The following SERINC2 variants were observed in gnomAD, a reference collection of about 807,000 sequenced individuals.
SERINC2 encodes the protein serine incorporator 2.
Under a neutral mutation model 54.2 loss-of-function variants are expected in SERINC2, and 56 were observed. That is an observed-to-expected ratio of 1.03 (90% CI 0.83 to 1.29). The LOEUF (loss-of-function observed/expected upper bound fraction) is 1.29. SERINC2 is among the 50% of genes most tolerant of loss of function. The pLI is 0.00. For synonymous variants in SERINC2, 272 were observed against 253.1 expected, an observed-to-expected ratio of 1.07 and a Z score of -0.71; for missense variants, 614 against 607.4, an observed-to-expected ratio of 1.01 and a Z score of -0.12.
In SERINC2 at chr1:31,432,145, GAC is replaced by G. The variant is rs1557501537; in HGVS notation, c.1014-820_1014-819del. ...TAGGGTGGATAGGGTGGACAGGGTGGACAGGGTGGACAGGGTGGATAGGGTGG... is the reference window on the plus strand; with the variant it reads ...TAGGGTGGATAGGGTGGACAGGGTGGAGGGTGGACAGGGTGGATAGGGTGG... On this transcript the variant is annotated intron_variant, in intron 8 of 9. Transcript: ENST00000373709. Among the ~76,000 whole-genome samples the G allele has an allele frequency of 1.6e-4, 23 of 139,810 alleles. 3 individuals carry two copies. Among genetic ancestry groups the G allele is most frequent in the South Asian group, 1.2e-3 (5 of 4,320 alleles). 91.7% of individuals were successfully genotyped at this position (139,810 alleles called of 152,430 possible).
intron 1 of SERINC2, 54 bp from the exon 2 acceptor site, chr1:31,423,639 G>A: frequency 1.9e-6 from 3 of 1,573,644 alleles, no homozygotes; most frequent in South Asian, 1.1e-5. Context: ...GTGGTGAGAG[G>A]TGCGCGCTTG....
At chr1:31,432,193 A>AGGGTG (rs1553134761) in intron 8 of SERINC2, among the ~76,000 whole-genome samples, 10 of 141,758 alleles carry the variant, frequency 7.1e-5, no homozygotes, top group Non-Finnish European at 9.4e-5. Flanking sequence ...TAGGGTGGTT[A>AGGGTG]GAGTGGAGAG....
chr1:31,431,563 C>G (rs1641201133), intron 8 of SERINC2, among the ~76,000 whole-genome samples: 1 of 152,224 alleles, frequency 6.6e-6, no homozygotes, highest in Admixed American at 6.5e-5. Context: ...CCTGGCACAG[C>G]TGTTTTTCCT....
chr1:31,422,144 C>T (rs374025842), intron 1 of SERINC2, among the ~76,000 whole-genome samples: 1 of 151,556 alleles, frequency 6.6e-6, no homozygotes, highest in Non-Finnish European at 1.5e-5. Flanking sequence ...ACAAAAAATA[C>T]AAAAATTAAC....
At chr1:31,414,384 T>C (rs1640724339) in intron 1 of SERINC2, 5 of 1,210,950 alleles carry the variant, frequency 4.1e-6, no homozygotes, top group African/African-American at 1.6e-5. Context: ...CAGCGGCTGC[T>C]GAATCTCGGG....
chr1:31,425,225 G>T (rs539594699), intron 3 of SERINC2, 105 bp from the exon 4 acceptor site: 2 of 866,824 alleles, frequency 2.3e-6, no homozygotes, highest in Admixed American at 3.5e-5. Context: ...ACCCCTCTCA[G>T]CACCTGCTGT....
rs1220705214 is a variant in SERINC2, at chr1:31,434,482, A to G, written c.*283A>G. 4 of 455,544 alleles carry G rather than the reference A, an allele frequency of 8.8e-6. No homozygotes were observed. The highest frequency in any genetic ancestry group is 1.6e-5 in the Non-Finnish European group (4 of 253,556). The allele number at this position is 455,544 out of a possible 1,614,324, so 28.2% of individuals were successfully genotyped here. ...GCCCATACTCAGCATCTCGGATGAA[A>G]GGGCTCCCTTGTCCTCAGGCTCCAC... On this transcript the variant is annotated 3_prime_UTR_variant, in exon 10 of 10. Transcript: ENST00000373709.
chr1:31,425,338 T>C lies in SERINC2; in HGVS notation c.401T>C (p.Phe134Ser), dbSNP rs561592381. ...PRAAIQNGFW[F>S]FKFLILVGLT... ...CCCGACCCCTTCTGTAGGTTTTGGT[T>C]CTTTAAGTTCCTGATCCTGGTGGGC... is the stretch of plus-strand genomic sequence containing the variant. Residue 134 changes from phenylalanine (F) to serine (S), a missense_variant, in exon 4 of 10, where the codon TTC becomes TCC. Coordinates refer to ENST00000373709, the MANE Select transcript of SERINC2 (RefSeq NM_178865.5). 1 of 1,612,276 alleles carries C rather than the reference T, an allele frequency of 6.2e-7. No homozygotes were observed. The highest frequency in any genetic ancestry group is 8.5e-7 in the Non-Finnish European group (1 of 1,178,276).
intron 9 of SERINC2, 111 bp downstream of exon 9, chr1:31,433,296 G>A (rs1641376899): frequency 5.6e-6 from 5 of 885,370 alleles, no homozygotes; most frequent in East Asian, 2.5e-5. Flanking sequence ...AGGCTTGGGG[G>A]TGGCGGTGTG....
In SERINC2 at chr1:31,434,444, C is replaced by T; in HGVS notation, c.*245C>T. 1 of 550,398 alleles carries T rather than the reference C, an allele frequency of 1.8e-6. No homozygotes were observed. Among genetic ancestry groups the T allele is most frequent in the South Asian group, 2.3e-5 (1 of 43,142 alleles). The allele number at this position is 550,398 out of a possible 1,614,324, so 34.1% of individuals were successfully genotyped here. On this transcript the variant is annotated 3_prime_UTR_variant, in exon 10 of 10. Coordinates refer to ENST00000373709, the MANE Select transcript of SERINC2 (RefSeq NM_178865.5). ...CACGGTGGAGCTGCCTCTTCCTTCC[C>T]CTCCTCCCTGTTGCCCATACTCAGC... is the stretch of plus-strand genomic sequence containing the variant.
intron 8 of SERINC2, among the ~76,000 whole-genome samples, chr1:31,432,202 A>ATAGGGTG (rs1553134767): frequency 2.8e-5 from 4 of 143,394 alleles, no homozygotes; most frequent in Admixed American, 6.8e-5. Context: ...TAGAGTGGAG[A>ATAGGGTG]GAGTGGACAG....
chr1:31,432,119 T>TGGACAGGG lies in SERINC2; in HGVS notation c.1014-848_1014-847insGGACAGGG, dbSNP rs1557501382. Reference sequence around the variant, plus strand: ...AGGGTGGACAGGGTGGATAGGGTGGTTAGGGTGGATAGGGTGGACAGGGTG... The same window carrying TGGACAGGG: ...AGGGTGGACAGGGTGGATAGGGTGGTGGACAGGGTAGGGTGGATAGGGTGGACAGGGTG... On this transcript the variant is annotated intron_variant, in intron 8 of 9. Coordinates refer to ENST00000373709, the MANE Select transcript of SERINC2 (RefSeq NM_178865.5). 1.6e-3 allele frequency among the ~76,000 whole-genome samples: 16 copies of TGGACAGGG among 9,736 alleles called. 1 individual carries two copies. Among genetic ancestry groups the TGGACAGGG allele is most frequent in the Admixed American group, 2.4e-3 (2 of 818 alleles). The allele number at this position is 9,736 out of a possible 152,430, so 6.4% of individuals were successfully genotyped here.
Position 31,423,774 on chromosome 1 carries a change from A to G in SERINC2, c.121A>G (p.Ile41Val), listed in dbSNP as rs1553133051. 1.2e-6 allele frequency: 2 copies of G among 1,613,928 alleles called. No individual in the cohort carries two copies. The highest frequency in any genetic ancestry group is 1.7e-6 in the Non-Finnish European group (2 of 1,180,000). Residue 41 changes from isoleucine (I) to valine (V), a missense_variant, in exon 2 of 10, where the codon ATC (isoleucine) becomes GTC (valine). Transcript: ENST00000373709. ...ASRNSTVSRL[I>V]FTFFLFLGVL... ...CCGCAACTCCACCGTGAGCCGCCTC[A>G]TCTTCACGTTCTTCCTCTTCCTGGG... is the stretch of plus-strand genomic sequence containing the variant.
chr1:31,429,152 G>T, intron 7 of SERINC2, 84 bp downstream of exon 7: 1 of 1,264,132 alleles, frequency 7.9e-7, no homozygotes, highest in Non-Finnish European at 1.2e-6. Flanking sequence ...ACCCTCACAG[G>T]TGACAGGGAC....
intron 8 of SERINC2, among the ~76,000 whole-genome samples, chr1:31,432,210 C>CAGGGTGGAG (rs1242550454): frequency 1.1e-4 from 10 of 94,632 alleles, no homozygotes; most frequent in Non-Finnish European, 1.9e-4. Context: ...AGAGAGTGGA[C>CAGGGTGGAG]AGGGTGGAGA....
In SERINC2 at chr1:31,413,461, A is replaced by G. The variant is rs1640695644; in HGVS notation, c.39+157A>G. On this transcript the variant is annotated intron_variant, in intron 1 of 9. Coordinates refer to ENST00000373709, the MANE Select transcript of SERINC2 (RefSeq NM_178865.5). This position sits in a 1 kb window ranked among gnomAD's most constrained non-coding sequence, Gnocchi z 5.0. ...CGCCTGCTCGCCCTCCTGGACCTTCACTCGGCACCCGGATCCCGCTGCCCC... is the reference window on the plus strand; with the variant it reads ...CGCCTGCTCGCCCTCCTGGACCTTCGCTCGGCACCCGGATCCCGCTGCCCC... Among the ~76,000 whole-genome samples the G allele has an allele frequency of 6.7e-6, 1 of 149,176 alleles. No individual in the cohort carries two copies. The highest frequency in any genetic ancestry group is 1.5e-5 in the Non-Finnish European group (1 of 67,182).
chr1:31,431,114 C>G (rs540473981), intron 8 of SERINC2, among the ~76,000 whole-genome samples: 1 of 151,230 alleles, frequency 6.6e-6, no homozygotes, highest in Admixed American at 6.6e-5. Flanking sequence ...CCTCCCTTCC[C>G]CTCCCCCCTC....
Position 31,434,250 on chromosome 1 carries a change from GGCTCAGTGA to G in SERINC2, c.*52_*60del. ...TGCCTCCTGCCACCTGGTGCCTCTCGGCTCAGTGACAGCCAACCTGCCCCCTCCCCACAC... is the reference window on the plus strand; with the variant it reads ...TGCCTCCTGCCACCTGGTGCCTCTCGCAGCCAACCTGCCCCCTCCCCACAC... On this transcript the variant is annotated 3_prime_UTR_variant, in exon 10 of 10. Transcript: ENST00000373709. 1 of 1,582,936 alleles carries G rather than the reference GGCTCAGTGA, an allele frequency of 6.3e-7. No homozygotes were observed. The highest frequency in any genetic ancestry group is 8.6e-7 in the Non-Finnish European group (1 of 1,164,872).
At chr1:31,414,250 C>CTGCCT in intron 1 of SERINC2, 1 of 1,338,448 alleles carries the variant, frequency 7.5e-7, no homozygotes. Flanking sequence ...GAGGCCCGTT[C>CTGCCT]TCCCTTCCCT....
Sources: allele counts gnomAD v4.1 joint callset (sites outside exome capture counted in the v4.1 genomes callset), GRCh38; gene constraint gnomAD v4.1.1; non-coding constraint Gnocchi (gnomAD v3.1); transcripts MANE v1.5; gene names NCBI Gene and HGNC (gene_info 2026-07-23, HGNC 2026-07-21).